Variants in PCDH9 observed in about 807,000 individuals in gnomAD.
The protein encoded by PCDH9 is protocadherin-9.
PCDH9 carries 24 observed loss-of-function variants against 70.6 expected under a neutral mutation model. That is an observed-to-expected ratio of 0.34 (90% confidence interval 0.25 to 0.48). PCDH9 has a LOEUF of 0.48. PCDH9 is among the 20% of genes least tolerant of loss of function. The pLI is 0.99. For missense variants in PCDH9, 1,281 were observed against 1,503.6 expected (o/e 0.85, Z 2.45); for synonymous variants, 562 against 558.5 (o/e 1.01, Z -0.09).
At chr13:66,581,524 T>G (rs2138782093) in intron 4 of PCDH9, among the ~76,000 whole-genome samples, 1 of 152,258 alleles carries the variant, frequency 6.6e-6, no homozygotes, top group East Asian at 1.9e-4. Context: ...TTATTCCTTT[T>G]CCTCACAAGA....
At chr13:66,389,834 T>A (rs566263631) in intron 4 of PCDH9, among the ~76,000 whole-genome samples, 29 of 152,262 alleles carry the variant, frequency 1.9e-4, no homozygotes, top group African/African-American at 6.5e-4. Flanking sequence ...TTCCAGACAG[T>A]GATTTTGCCT....
chr13:66,336,364 A>G (rs1956037837), intron 4 of PCDH9, among the ~76,000 whole-genome samples: 1 of 151,990 alleles, frequency 6.6e-6, no homozygotes, highest in South Asian at 2.1e-4. Context: ...CAAAATCACA[A>G]TAGAGACCTG....
intron 4 of PCDH9, among the ~76,000 whole-genome samples, chr13:66,613,817 G>C (rs2077323162): frequency 6.6e-6 from 1 of 152,084 alleles, no homozygotes; most frequent in African/African-American, 2.4e-5. Flanking sequence ...TTTTTTTAAG[G>C]GAAGGTAAAA....
intron 4 of PCDH9, among the ~76,000 whole-genome samples, chr13:66,416,446 T>G (rs1441323729): frequency 1.3e-5 from 2 of 152,170 alleles, no homozygotes; most frequent in Non-Finnish European, 2.9e-5. Context: ...GATGTAATAT[T>G]ACACCCAATG....
At chr13:66,955,778 GACAA>G (rs1245518069) in intron 2 of PCDH9, among the ~76,000 whole-genome samples, 5 of 152,138 alleles carry the variant, frequency 3.3e-5, no homozygotes, top group African/African-American at 9.7e-5. Flanking sequence ...TTATGGGAAT[GACAA>G]ACAGATACAT....
intron 3 of PCDH9, among the ~76,000 whole-genome samples, chr13:66,844,068 T>C (rs2081163283): frequency 6.6e-6 from 1 of 151,746 alleles, no homozygotes; most frequent in South Asian, 2.1e-4. Flanking sequence ...GGGGAGTGAG[T>C]AGTGTGTGGA....
rs150567664 is a variant in PCDH9, at chr13:66,477,090, T to C, written c.3340+154120A>G. ...TTTAGTTACTAGGAGGAATGCAGAG[T>C]AGAAATTTTGACATTAAGAGACTAA... On this transcript the variant is annotated intron_variant, in intron 4 of 4. Transcript: ENST00000377865. Among the ~76,000 whole-genome samples, 788 of 152,034 alleles carry C rather than the reference T, an allele frequency of 5.2e-3. 2 individuals carry two copies. The highest frequency in any genetic ancestry group is 0.018 in the African/African-American group (759 of 41,520).
intron 3 of PCDH9, among the ~76,000 whole-genome samples, chr13:66,831,919 T>C (rs1475358251): frequency 6.6e-6 from 1 of 152,054 alleles, no homozygotes; most frequent in Non-Finnish European, 1.5e-5. Context: ...AGTGCCAAAA[T>C]GTCTGCATAA....
chr13:66,671,475 A>G (rs1400470708), intron 3 of PCDH9, among the ~76,000 whole-genome samples: 1 of 152,194 alleles, frequency 6.6e-6, no homozygotes, highest in East Asian at 1.9e-4. Flanking sequence ...AAGATGCAGA[A>G]AAGTTTGGAA....
At chr13:66,500,474 A>C (rs1959171225) in intron 4 of PCDH9, among the ~76,000 whole-genome samples, 1 of 152,028 alleles carries the variant, frequency 6.6e-6, no homozygotes, top group Admixed American at 6.6e-5. Flanking sequence ...CGGATAAGTA[A>C]ATTTTTTTAA....
chr13:67,166,304 C>T (rs190347200), intron 2 of PCDH9, among the ~76,000 whole-genome samples: 13 of 152,236 alleles, frequency 8.5e-5, no homozygotes, highest in Non-Finnish European at 1.2e-4. Context: ...GCTGTTTTCT[C>T]AACCTCTGAT....
At chr13:66,866,022 C>A (rs1012216515) in intron 3 of PCDH9, among the ~76,000 whole-genome samples, 32 of 152,016 alleles carry the variant, frequency 2.1e-4, no homozygotes, top group Admixed American at 2.1e-3. Context: ...TGAATAGAAG[C>A]TGTGTGGCAT....
Position 67,226,286 on chromosome 13 carries a change from T to C in PCDH9, c.2155A>G (p.Ser719Gly). The C allele has an allele frequency of 1.2e-6, 2 of 1,614,092 alleles. No homozygotes were observed. Among genetic ancestry groups the C allele is most frequent in the Non-Finnish European group, 8.5e-7 (1 of 1,179,950 alleles). ...MNAELKYTIV[S>G]GNNKGLFRID... The stretch of plus-strand genomic sequence containing the variant: ...CGGAATAAGCCTTTATTGTTTCCAC[T>C]CACTATAGTATACTTTAGTTCAGCG... The change falls in exon 2 of 5, where the codon AGT becomes GGT. Residue 719 changes from serine (S) to glycine (G), a missense_variant. By Grantham distance (56) the Ser-to-Gly change is moderately conservative. Transcript: ENST00000377865. The surrounding 1 kb of genome is among the most constrained non-coding windows in gnomAD (Gnocchi z 5.0).
Position 67,225,721 on chromosome 13 carries a change from G to A in PCDH9, c.2720C>T (p.Pro907Leu). 1 of 1,613,964 alleles carries A rather than the reference G, an allele frequency of 6.2e-7. No individual in the cohort carries two copies. The highest frequency in any genetic ancestry group is 8.5e-7 in the Non-Finnish European group (1 of 1,179,876). The change falls in exon 2 of 5, where the codon CCG becomes CTG. Residue 907 changes from proline to leucine, a missense_variant. Pro to Leu is a moderately conservative substitution (Grantham distance 98, BLOSUM62 -3). Transcript: ENST00000377865. ...TATACTTTGCTCCTCCAGTTCAGCC[G>A]GCAGGCTTATTGTCCCATTGATAGG... ...HEPINGTISL[P>L]AELEEQSIGR... is the part of the protein sequence containing the mutation.
intron 3 of PCDH9, among the ~76,000 whole-genome samples, chr13:66,663,341 A>G (rs1160944040): frequency 1.3e-5 from 2 of 152,210 alleles, no homozygotes; most frequent in Admixed American, 1.3e-4. Flanking sequence ...TCTTCCAAAT[A>G]TGAAGGCAAA....
intron 3 of PCDH9, among the ~76,000 whole-genome samples, chr13:66,726,252 AG>A (rs1313731099): frequency 1.3e-5 from 2 of 152,132 alleles, no homozygotes; most frequent in Admixed American, 6.6e-5. Flanking sequence ...TGAAGGAGAA[AG>A]GTTGGAAGAA....
At chr13:66,565,223 G>A (rs887511060) in intron 4 of PCDH9, among the ~76,000 whole-genome samples, 1 of 152,142 alleles carries the variant, frequency 6.6e-6, no homozygotes, top group African/African-American at 2.4e-5. Flanking sequence ...CTTTGTATCA[G>A]TAGACTTTGA....
At chr13:67,148,697 A>C (rs983135811) in intron 2 of PCDH9, among the ~76,000 whole-genome samples, 1 of 152,172 alleles carries the variant, frequency 6.6e-6, no homozygotes, top group African/African-American at 2.4e-5. Context: ...TGTTCTTTAC[A>C]CATGTCATAA....
intron 3 of PCDH9, among the ~76,000 whole-genome samples, chr13:66,783,699 G>A (rs2080035696): frequency 6.6e-6 from 1 of 151,586 alleles, no homozygotes; most frequent in Non-Finnish European, 1.5e-5. Context: ...CAAACAAAAG[G>A]AATGAGATGA....
Sources: allele counts gnomAD v4.1 joint callset (sites outside exome capture counted in the v4.1 genomes callset), GRCh38; gene constraint gnomAD v4.1.1; non-coding constraint Gnocchi (gnomAD v3.1); transcripts MANE v1.5; gene names NCBI Gene and HGNC (gene_info 2026-07-23, HGNC 2026-07-21).